ITGAM: variants seen among roughly 807,000 people sequenced by gnomAD.
ITGAM encodes the protein integrin alpha-M.
ITGAM carries 79 observed loss-of-function variants against 137.5 expected under a neutral mutation model. The ratio of observed to expected loss-of-function variants is 0.57; its 90% CI spans 0.48 to 0.69. ITGAM has a LOEUF of 0.69. Ranked by LOEUF, ITGAM falls within the 30% of genes least tolerant of loss-of-function variation. The pLI, the probability that ITGAM is intolerant of heterozygous loss-of-function variation, is 0.00. For synonymous variants in ITGAM, 583 were observed against 592.3 expected, an observed-to-expected ratio of 0.98 and a Z score of 0.23; for missense variants, 1,343 against 1,483.5, an observed-to-expected ratio of 0.91 and a Z score of 1.56.
At chr16:31,315,952 T>A (rs1480512756) in intron 14 of ITGAM, among the ~76,000 whole-genome samples, 1 of 151,464 alleles carries the variant, frequency 6.6e-6, no homozygotes, top group African/African-American at 2.4e-5. Flanking sequence ...CTCAGCACTT[T>A]GGAAGGCTGA....
At chr16:31,312,094 A>G (rs958106079) in intron 14 of ITGAM, among the ~76,000 whole-genome samples, 1 of 136,072 alleles carries the variant, frequency 7.3e-6, no homozygotes. Flanking sequence ...ATGAGAACAC[A>G]TGGACACAGG....
chr16:31,297,632 C>A lies in ITGAM; in HGVS notation c.1475C>A (p.Ser492Tyr). Reference sequence around the variant, plus strand: ...GAGCAGACCCGAGGGGGCCAGGTGTCCGTGTGCCCCTTGCCCAGGGGGGTG... The same window carrying A: ...GAGCAGACCCGAGGGGGCCAGGTGTACGTGTGCCCCTTGCCCAGGGGGGTG... ...YYEQTRGGQVSVCPLPRGRAR... is the reference protein window; with the variant it reads ...YYEQTRGGQVYVCPLPRGRAR... The change falls in exon 13 of 30, where the codon TCC (serine) becomes TAC (tyrosine). Residue 492 changes from serine to tyrosine, a missense_variant. Transcript: ENST00000544665. The A allele has an allele frequency of 6.2e-7, 1 of 1,613,406 alleles. No homozygotes were observed. The highest frequency in any genetic ancestry group is 1.3e-5 in the African/African-American group (1 of 75,016).
chr16:31,265,146 G>A (rs1294147083), intron 2 of ITGAM, among the ~76,000 whole-genome samples: 4 of 152,148 alleles, frequency 2.6e-5, no homozygotes, highest in African/African-American at 7.2e-5. Flanking sequence ...AGGATTACAA[G>A]CATGAGCCAC....
intron 14 of ITGAM, among the ~76,000 whole-genome samples, chr16:31,311,470 T>C (rs1344944982): frequency 6.6e-6 from 1 of 151,954 alleles, no homozygotes; most frequent in Non-Finnish European, 1.5e-5. Context: ...AAAAAGTGGG[T>C]GAAGGATATG....
At chr16:31,319,039 G>A (rs558100459) in intron 14 of ITGAM, among the ~76,000 whole-genome samples, 1 of 151,842 alleles carries the variant, frequency 6.6e-6, no homozygotes, top group South Asian at 2.1e-4. Flanking sequence ...ATTGTTTTTA[G>A]TTTCATTCCA....
intron 12 of ITGAM, among the ~76,000 whole-genome samples, chr16:31,292,863 C>G (rs569571397): frequency 6.6e-6 from 1 of 152,248 alleles, no homozygotes; most frequent in East Asian, 1.9e-4. Context: ...AGTGGTTAAA[C>G]TAATTTACCA....
In ITGAM at chr16:31,325,360, T is replaced by A. The variant is rs758013227; in HGVS notation, c.2461T>A (p.Phe821Ile). ...EDSYRTQVTF[F>I]FPLDLSYRKV... The stretch of plus-strand genomic sequence containing the variant: ...CTCCTACAGGACACAGGTCACCTTC[T>A]TCTTCCCGCTTGACCTGTCCTACCG... The change falls in exon 20 of 30, where the codon TTC (phenylalanine) becomes ATC (isoleucine). Residue 821 changes from phenylalanine (F) to isoleucine (I), a missense_variant. Coordinates refer to ENST00000544665, the MANE Select transcript of ITGAM (RefSeq NM_000632.4). 1 of 1,613,904 alleles carries A rather than the reference T, an allele frequency of 6.2e-7. No individual in the cohort carries two copies. Among genetic ancestry groups the A allele is most frequent in the Admixed American group, 1.7e-5 (1 of 60,014 alleles).
rs1457770232 is a variant in ITGAM at position 31,331,177 on chromosome 16, G to A, written c.3289G>A (p.Val1097Met). ...CTTCCTCCCCCAGACGGAGACCAAA[G>A]TGGAGCCGTTCGAGGTCCCCAACCC... is the stretch of plus-strand genomic sequence containing the variant. ...AFVRSQTETKVEPFEVPNPLP... is the reference protein window; with the variant it reads ...AFVRSQTETKMEPFEVPNPLP... The change falls in exon 29 of 30, where the codon GTG becomes ATG. Residue 1097 changes from valine to methionine, a missense_variant. Val to Met is a conservative substitution (Grantham distance 21). Transcript: ENST00000544665. 1 of 1,609,176 alleles carries A rather than the reference G, an allele frequency of 6.2e-7. No homozygotes were observed. Among genetic ancestry groups the A allele is most frequent in the African/African-American group, 1.3e-5 (1 of 74,840 alleles).
chr16:31,321,559 G>T lies in ITGAM; in HGVS notation c.1934G>T (p.Gly645Val). ...GAGTGTAATGATCAGGTGGTGAAAG[G>T]CAAGGAAGCCGGAGAGGTCAGAGTC... ...VFECNDQVVK[G>V]KEAGEVRVCL... Residue 645 changes from glycine to valine, a missense_variant, in exon 16 of 30, where the codon GGC becomes GTC. Gly to Val is a moderately radical substitution (Grantham distance 109, BLOSUM62 -3). Transcript: ENST00000544665. 6.2e-7 allele frequency: 1 copy of T among 1,614,052 alleles called. No individual in the cohort carries two copies. Among genetic ancestry groups the T allele is most frequent in the South Asian group, 1.1e-5 (1 of 91,080 alleles).
At chr16:31,299,783 C>T (rs895609270) in intron 14 of ITGAM, among the ~76,000 whole-genome samples, 7 of 137,454 alleles carry the variant, frequency 5.1e-5, no homozygotes, top group Admixed American at 2.8e-4. Flanking sequence ...CCTCCTCCTC[C>T]GCCTCCCCCT....
chr16:31,331,585 C>T (rs1316493191), intron 29 of ITGAM, 51 bp from the exon 30 acceptor site: 4 of 1,317,764 alleles, frequency 3.0e-6, no homozygotes, highest in Non-Finnish European at 4.1e-6. Flanking sequence ...GTCTGCGGAG[C>T]CGCACGCTCC....
Position 31,273,465 on chromosome 16 carries a change from G to T in ITGAM, c.805G>T (p.Glu269Ter). The change falls in exon 8 of 30, where the codon GAG becomes TAG. Residue 269 changes from glutamate to a stop codon, truncating the protein, a stop_gained. Coordinates refer to ENST00000544665, the MANE Select transcript of ITGAM (RefSeq NM_000632.4). LOFTEE classifies it high-confidence loss of function. ...GEKFGDPLGY[E>*]DVIPEADREG... ...AAAGTTTGGCGATCCCTTGGGATAT[G>T]AGGATGTCATCCCTGAGGCAGACAG... 1.2e-6 allele frequency: 2 copies of T among 1,613,884 alleles called. No individual in the cohort carries two copies. The highest frequency in any genetic ancestry group is 1.7e-6 in the Non-Finnish European group (2 of 1,179,790).
intron 29 of ITGAM, 129 bp from the exon 30 acceptor site, chr16:31,331,507 C>T (rs2080582601): frequency 3.1e-6 from 2 of 647,028 alleles, no homozygotes; most frequent in Non-Finnish European, 2.8e-6. Context: ...ACGCGGATGT[C>T]ACTCCCCTCC....
chr16:31,326,714 G>A, intron 21 of ITGAM, 142 bp from the exon 22 acceptor site: 2 of 663,314 alleles, frequency 3.0e-6, no homozygotes, highest in South Asian at 1.7e-5. Flanking sequence ...ACCGCACCTG[G>A]CCTTCATTGC....
chr16:31,307,340 T>C (rs1345055032), intron 14 of ITGAM, among the ~76,000 whole-genome samples: 1 of 152,184 alleles, frequency 6.6e-6, no homozygotes, highest in East Asian at 1.9e-4. Flanking sequence ...TGGTTTGTAG[T>C]TCTCCTTCAA....
chr16:31,271,969 G>T lies in ITGAM; in HGVS notation c.681G>T (p.Thr227=), dbSNP rs41499844. Residue 227 remains threonine (T), a synonymous_variant, in exon 7 of 30, where the codon ACG becomes ACT. Transcript: ENST00000544665. ...CGCAGCTGCTTGGGCGGACACACAC[G>T]GCCACGGGCATCCGCAAAGTGGTGT... ...PITQLLGRTH[T]ATGIRKVVRE... 2 of 1,613,974 alleles carry T rather than the reference G, an allele frequency of 1.2e-6. No homozygotes were observed. The highest frequency in any genetic ancestry group is 1.7e-5 in the Admixed American group (1 of 60,004).
chr16:31,321,189 TCTC>T, intron 14 of ITGAM, 49 bp from the exon 15 acceptor site: 1 of 1,603,786 alleles, frequency 6.2e-7, no homozygotes, highest in Non-Finnish European at 8.5e-7. Context: ...GAGTTATACA[TCTC>T]CTGTCTTTCC....
rs2080564175 is a variant in ITGAM at position 31,330,367 on chromosome 16, G to A, written c.3120G>A (p.Gln1040=). The part of the protein sequence containing the change: ...IQCDIPFFGI[Q]EEFNATLKGN... ...GTGACATCCCGTTCTTTGGCATCCAGGAAGAATTCAATGCTACCCTCAAAG... is the reference window on the plus strand; with the variant it reads ...GTGACATCCCGTTCTTTGGCATCCAAGAAGAATTCAATGCTACCCTCAAAG... Residue 1040 remains glutamine, a synonymous_variant, in exon 27 of 30, where the codon CAG becomes CAA. Transcript: ENST00000544665. The A allele has an allele frequency of 1.9e-6, 3 of 1,613,938 alleles. No individual in the cohort carries two copies. Among genetic ancestry groups the A allele is most frequent in the Middle Eastern group, 1.6e-4 (1 of 6,084 alleles).
chr16:31,301,330 C>T (rs1365819653), intron 14 of ITGAM, among the ~76,000 whole-genome samples: 3 of 152,064 alleles, frequency 2.0e-5, no homozygotes, highest in Admixed American at 6.6e-5. Context: ...TATCCTTTAC[C>T]CATTGTGTAT....
Sources: gnomAD v4.1 joint callset for allele counts (sites outside exome capture counted in the v4.1 genomes callset) on GRCh38, gnomAD v4.1.1 for gene constraint, MANE v1.5 for transcripts, NCBI Gene and HGNC (gene_info 2026-07-23, HGNC 2026-07-21) for gene names.